Variants in BRINP3 observed in about 807,000 individuals in gnomAD.
BRINP3 encodes BMP/retinoic acid inducible neural specific 3, also known as BMP/retinoic acid-inducible neural-specific protein 3.
A neutral mutation model predicts 71.0 loss-of-function variants in BRINP3; 19 were observed. That is an observed-to-expected ratio of 0.27 (90% confidence interval 0.19 to 0.39). BRINP3 has a LOEUF of 0.39. Ranked by LOEUF, BRINP3 falls within the 10% of genes least tolerant of loss-of-function variation. The probability of loss-of-function intolerance (pLI) is 1.00; values close to 1 mark genes in which losing one functional copy is unlikely to be tolerated. For synonymous variants in BRINP3, 380 were observed against 337.7 expected (o/e 1.13, Z -1.37); for missense variants, 959 against 940.8 (o/e 1.02, Z -0.25).
intron 7 of BRINP3, among the ~76,000 whole-genome samples, chr1:190,137,229 T>G (rs926473502): frequency 2.0e-5 from 3 of 152,040 alleles, no homozygotes; most frequent in Non-Finnish European, 4.4e-5. Flanking sequence ...GGCAATACAA[T>G]TTTTTCTTTG....
intron 4 of BRINP3, among the ~76,000 whole-genome samples, chr1:190,252,502 T>A (rs985486372): frequency 6.6e-6 from 1 of 152,064 alleles, no homozygotes. Context: ...AGGATTCCTG[T>A]GAAACTTTTC....
chr1:190,230,829 A>G (rs1313096143), intron 5 of BRINP3, among the ~76,000 whole-genome samples: 1 of 151,754 alleles, frequency 6.6e-6, no homozygotes, highest in East Asian at 1.9e-4. Context: ...TCATTATTTC[A>G]TTCGACTATC....
intron 4 of BRINP3, 106 bp from the exon 5 acceptor site, chr1:190,234,583 C>A: frequency 1.3e-6 from 1 of 767,022 alleles, no homozygotes; most frequent in Admixed American, 2.3e-5. Context: ...CAGTAAATAT[C>A]ACTGAAAGGT....
At chr1:190,150,337 C>A (rs1217954794) in intron 7 of BRINP3, among the ~76,000 whole-genome samples, 1 of 151,608 alleles carries the variant, frequency 6.6e-6, no homozygotes, top group African/African-American at 2.4e-5. Flanking sequence ...TGCTAAAAGG[C>A]GGTGAGGAAG....
intron 6 of BRINP3, among the ~76,000 whole-genome samples, chr1:190,176,007 G>A (rs1652475866): frequency 6.6e-6 from 1 of 152,008 alleles, no homozygotes; most frequent in Admixed American, 6.6e-5. Flanking sequence ...TTTTTGTTTT[G>A]TTTTGTTTTA....
At position 190,454,891 on chromosome 1, in the gene BRINP3, G is replaced by A. The variant is rs370400023; in HGVS notation, c.-1C>T. On this transcript the variant is annotated 5_prime_UTR_variant, in exon 2 of 8. Transcript: ENST00000367462. ...CACCAGCTCTGCTTCGCCATATCATGCTTCCACTGGGGATTTAGAGCCTTC... is the reference window on the plus strand; with the variant it reads ...CACCAGCTCTGCTTCGCCATATCATACTTCCACTGGGGATTTAGAGCCTTC... 1 of 1,612,354 alleles carries A rather than the reference G, an allele frequency of 6.2e-7. No homozygotes were observed. Among genetic ancestry groups the A allele is most frequent in the African/African-American group, 1.3e-5 (1 of 74,916 alleles).
chr1:190,125,430 AT>A (rs992455493), intron 7 of BRINP3, among the ~76,000 whole-genome samples: 2 of 151,722 alleles, frequency 1.3e-5, no homozygotes, highest in Admixed American at 6.6e-5. Context: ...TTTAAAACAT[AT>A]TTTTTTCTCC....
chr1:190,273,487 C>T (rs1468122315), intron 3 of BRINP3, among the ~76,000 whole-genome samples: 1 of 151,470 alleles, frequency 6.6e-6, no homozygotes, highest in East Asian at 1.9e-4. Flanking sequence ...TCTTGTGCAA[C>T]TAAAATTTTG....
intron 6 of BRINP3, among the ~76,000 whole-genome samples, chr1:190,179,840 G>A (rs1381572890): frequency 6.6e-6 from 1 of 152,088 alleles, no homozygotes; most frequent in Non-Finnish European, 1.5e-5. Context: ...CTCAAGCTGA[G>A]CCATTTAGGC....
chr1:190,101,546 T>C (rs1412306167), intron 7 of BRINP3, among the ~76,000 whole-genome samples: 1 of 152,156 alleles, frequency 6.6e-6, no homozygotes, highest in East Asian at 1.9e-4. Flanking sequence ...TCCTCCTTTA[T>C]GCCTTCCTTT....
At chr1:190,328,213 G>A (rs1298849915) in intron 2 of BRINP3, among the ~76,000 whole-genome samples, 3 of 151,980 alleles carry the variant, frequency 2.0e-5, no homozygotes, top group Non-Finnish European at 4.4e-5. Flanking sequence ...AAATCGGAGT[G>A]GAACTGAATA....
intron 2 of BRINP3, chr1:190,302,606 C>T (rs1193668305): frequency 1.3e-5 from 2 of 151,760 alleles, no homozygotes; most frequent in East Asian, 3.9e-4. Context: ...ATTATTCAAC[C>T]TTTCCTTAAA....
At chr1:190,213,413 A>G (rs1040278235) in intron 6 of BRINP3, among the ~76,000 whole-genome samples, 57 of 152,072 alleles carry the variant, frequency 3.7e-4, no homozygotes, top group African/African-American at 1.3e-3. Context: ...GGAATTACCT[A>G]TATTACTTGT....
At chr1:190,341,997 G>A (rs1316084300) in intron 2 of BRINP3, among the ~76,000 whole-genome samples, 2 of 117,714 alleles carry the variant, frequency 1.7e-5, no homozygotes, top group Non-Finnish European at 3.6e-5. Flanking sequence ...CACTATAGTG[G>A]AGGCCCTATT....
chr1:190,187,727 T>C (rs815349), intron 6 of BRINP3, among the ~76,000 whole-genome samples: 55,952 of 151,840 alleles, frequency 0.37, 10,378 homozygotes, highest in Middle Eastern at 0.42. Flanking sequence ...TTCTATTCAA[T>C]TGGTCTATTT....
At chr1:190,279,918 TGTA>T (rs1400325586) in intron 3 of BRINP3, among the ~76,000 whole-genome samples, 1 of 151,904 alleles carries the variant, frequency 6.6e-6, no homozygotes, top group Admixed American at 6.6e-5. Context: ...CCTAAGAAAG[TGTA>T]GTTTTACTTG....
At chr1:190,145,640 A>G (rs1425361884) in intron 7 of BRINP3, among the ~76,000 whole-genome samples, 1 of 152,194 alleles carries the variant, frequency 6.6e-6, no homozygotes, top group African/African-American at 2.4e-5. Flanking sequence ...CAAAAAGTAG[A>G]CCTACCATTC....
At chr1:190,194,679 G>A (rs577387523) in intron 6 of BRINP3, among the ~76,000 whole-genome samples, 2 of 152,044 alleles carry the variant, frequency 1.3e-5, no homozygotes, top group Non-Finnish European at 2.9e-5. Context: ...ATTGGGATAA[G>A]CCACTTGAGC....
intron 5 of BRINP3, among the ~76,000 whole-genome samples, chr1:190,228,307 A>G (rs746890933): frequency 2.6e-5 from 4 of 151,976 alleles, no homozygotes; most frequent in Non-Finnish European, 5.9e-5. Context: ...ATATTTATTA[A>G]AAGACCTAAG....
Sources: allele counts gnomAD v4.1 joint callset (sites outside exome capture counted in the v4.1 genomes callset), GRCh38; gene constraint gnomAD v4.1.1; transcripts MANE v1.5; gene names NCBI Gene and HGNC (gene_info 2026-07-23, HGNC 2026-07-21).